RPL23: variants seen among roughly 807,000 people sequenced by gnomAD.
RPL23 encodes the protein large ribosomal subunit protein uL14.
For synonymous variants in RPL23, 63 were observed against 65.3 expected (o/e 0.97, Z 0.17); for missense variants, 79 against 178.8 (o/e 0.44, Z 3.18).
rs999893691 is a variant in RPL23, at chr17:38,848,144, T to C, written c.*1988A>G. 2.9e-5 allele frequency: 39 copies of C among 1,367,764 alleles called. No individual in the cohort carries two copies. The highest frequency in any genetic ancestry group is 9.1e-5 in the Admixed American group (3 of 33,024). The allele number at this position is 1,367,764 out of a possible 1,614,324, so 84.7% of individuals were successfully genotyped here. On this transcript the variant is annotated 3_prime_UTR_variant, in exon 5 of 5. Transcript: ENST00000479035. ...TATATTGCCATAATATATAAAGACA[T>C]AAATGGTGGGCCTAGGGGCTTGTCA...
chr17:38,850,736 G>C lies in RPL23; in HGVS notation c.227-261C>G, dbSNP rs1912978322. On this transcript the variant is annotated intron_variant, in intron 3 of 4. Coordinates refer to ENST00000479035, the MANE Select transcript of RPL23 (RefSeq NM_000978.4). ...CAAGCCTGGCCTCCCAAAGTGCTGG[G>C]AGTATAGGGAGTAAAGGCATGAACC... 4.3e-5 allele frequency: 15 copies of C among 349,118 alleles called. No homozygotes were observed. The South Asian group carries it at 7.3e-4, about 17-fold the overall frequency. The allele number at this position is 349,118 out of a possible 1,614,324, so 21.6% of individuals were successfully genotyped here. A position where few individuals can be genotyped will look rare whatever the true frequency, so the allele number is the denominator to read the frequency against.
rs1280002040 is a variant in RPL23 at position 38,851,387 on chromosome 17, TTC to T, written c.227-914_227-913del. 4 of 152,332 alleles carry T rather than the reference TTC, an allele frequency of 2.6e-5. No individual in the cohort carries two copies. The East Asian group carries it at 7.7e-4, about 29-fold the overall frequency. 9.4% of individuals were successfully genotyped at this position (152,332 alleles called of 1,614,324 possible). A position where few individuals can be genotyped will look rare whatever the true frequency, so the allele number is the denominator to read the frequency against. On this transcript the variant is annotated intron_variant, in intron 3 of 4. Coordinates refer to ENST00000479035, the MANE Select transcript of RPL23 (RefSeq NM_000978.4). ...AAGTAGACCTGGTCCTTTTGCATAT[TTC>T]TGTGCTTGTTATTTATTGATATTAA... is the stretch of plus-strand genomic sequence containing the variant.
Position 38,853,074 on chromosome 17 carries a change from C to A in RPL23, c.45G>T (p.Arg15=). The A allele has an allele frequency of 6.2e-7, 1 of 1,614,114 alleles. No homozygotes were observed. The highest frequency in any genetic ancestry group is 8.5e-7 in the Non-Finnish European group (1 of 1,180,032). ...GRGGSSGAKF[R]ISLGLPVGAV... ...CTCCTACCGGAAGACCCAAGGAAAT[C>A]CGGAATTTCGCACCAGAGGACCCAC... Residue 15 remains arginine, a synonymous_variant, in exon 2 of 5, where the codon CGG becomes CGT. Transcript: ENST00000479035.
intron 1 of RPL23, 39 bp downstream of exon 1, chr17:38,853,659 C>T (rs1212328001): frequency 6.2e-7 from 1 of 1,613,690 alleles, no homozygotes. Flanking sequence ...AGCCACTGCA[C>T]GACAGATGGT....
At chr17:38,853,158 G>T in intron 1 of RPL23, 53 bp from the exon 2 acceptor site, 1 of 1,391,368 alleles carries the variant, frequency 7.2e-7, no homozygotes, top group South Asian at 1.2e-5. Context: ...ATCTAGACAT[G>T]GTTCGGAGTT....
chr17:38,851,129 C>A (rs1912990835), intron 3 of RPL23: 1 of 152,258 alleles, frequency 6.6e-6, no homozygotes, highest in Non-Finnish European at 1.5e-5. Context: ...TGAAGTATCA[C>A]TACACAGTGA....
intron 2 of RPL23, 75 bp from the exon 3 acceptor site, chr17:38,852,807 A>G: frequency 6.2e-7 from 1 of 1,603,386 alleles, no homozygotes; most frequent in Non-Finnish European, 8.5e-7. Flanking sequence ...CATTTCCCAA[A>G]CACTTCCAAA....
chr17:38,848,088 G>A lies in RPL23; in HGVS notation c.*2044C>T, dbSNP rs1381112094. Reference sequence around the variant, plus strand: ...TCAGAAAAGATAACATTCAAAAACAGCAGCGATTAGTGGTTAATATATAAG... The same window carrying A: ...TCAGAAAAGATAACATTCAAAAACAACAGCGATTAGTGGTTAATATATAAG... On this transcript the variant is annotated 3_prime_UTR_variant, in exon 5 of 5. Transcript: ENST00000479035. The A allele has an allele frequency of 4.6e-6, 7 of 1,526,498 alleles. No individual in the cohort carries two copies. The highest frequency in any genetic ancestry group is 6.2e-6 in the Non-Finnish European group (7 of 1,138,126). 94.6% of individuals were successfully genotyped at this position (1,526,498 alleles called of 1,614,324 possible). A position where few individuals can be genotyped will look rare whatever the true frequency, so the allele number is the denominator to read the frequency against.
intron 2 of RPL23, 98 bp from the exon 3 acceptor site, chr17:38,852,830 A>G (rs747872009): frequency 2.6e-6 from 4 of 1,556,604 alleles, no homozygotes; most frequent in East Asian, 4.5e-5. Flanking sequence ...CCCTCCCTCC[A>G]CTCACTGCCC....
In RPL23 at chr17:38,847,936, G is replaced by A. The variant is rs922675972; in HGVS notation, c.*2196C>T. ...AATAAAATGTGAGGTGGGATGCAGT[G>A]GCTCACACTTGTAATTGCAGCCCTT... is the stretch of plus-strand genomic sequence containing the variant. On this transcript the variant is annotated 3_prime_UTR_variant, in exon 5 of 5. Transcript: ENST00000479035. The A allele has an allele frequency of 6.5e-7, 1 of 1,540,576 alleles. No homozygotes were observed. Among genetic ancestry groups the A allele is most frequent in the African/African-American group, 1.4e-5 (1 of 72,604 alleles).
In RPL23 at chr17:38,850,356, T is replaced by G. The variant is rs1365573168; in HGVS notation, c.340+6A>C. The G allele has an allele frequency of 1.2e-5, 19 of 1,610,206 alleles. No homozygotes were observed. The highest frequency in any genetic ancestry group is 2.2e-5 in the East Asian group (1 of 44,862). On this transcript the variant is annotated splice_donor_region_variant and intron_variant, in intron 4 of 4. Transcript: ENST00000479035. ...ACCTAAGGAACAAGCTGGACTGATT[T>G]CCTACCTTTCATCTCGCCTTTATTG...
chr17:38,850,381 G>A lies in RPL23; in HGVS notation c.321C>T (p.Asn107=). Residue 107 remains asparagine (N), a synonymous_variant, in exon 4 of 5, where the codon AAC becomes AAT. Coordinates refer to ENST00000479035, the MANE Select transcript of RPL23 (RefSeq NM_000978.4). ...TCCTACCTTTCATCTCGCCTTTATT[G>A]TTCACTATGACTCCTGCATTATCTT... ...YFEDNAGVIV[N]NKGEMKGSAI... 3.1e-6 allele frequency: 5 copies of A among 1,613,368 alleles called. No homozygotes were observed. Among genetic ancestry groups the A allele is most frequent in the South Asian group, 1.1e-5 (1 of 91,054 alleles).
rs11556332 is a variant in RPL23 at position 38,850,416 on chromosome 17, G to T, written c.286C>A (p.Leu96Ile). Residue 96 changes from leucine to isoleucine, a missense_variant, in exon 4 of 5, where the codon CTT becomes ATT. Physicochemically the swap from Leu to Ile is conservative, Grantham distance 5 (BLOSUM62 2). Coordinates refer to ENST00000479035, the MANE Select transcript of RPL23 (RefSeq NM_000978.4). Reference protein sequence around the residue: ...KSYRRKDGVFLYFEDNAGVIV... With the variant: ...KSYRRKDGVFIYFEDNAGVIV... Reference sequence around the variant, plus strand: ...ACTCCTGCATTATCTTCAAAATAAAGAAACACGCCATCTTTTCTACGGTAT... The same window carrying T: ...ACTCCTGCATTATCTTCAAAATAAATAAACACGCCATCTTTTCTACGGTAT... 1.9e-6 allele frequency: 3 copies of T among 1,613,786 alleles called. No individual in the cohort carries two copies. The highest frequency in any genetic ancestry group is 1.1e-5 in the South Asian group (1 of 91,072).
intron 3 of RPL23, 98 bp from the exon 4 acceptor site, chr17:38,850,573 G>T: frequency 1.3e-6 from 1 of 779,444 alleles, no homozygotes; most frequent in Non-Finnish European, 2.3e-6. Context: ...CTCAGCGTTT[G>T]AGACAGTGAC....
chr17:38,851,545 G>A (rs533450472), intron 3 of RPL23: 24 of 152,288 alleles, frequency 1.6e-4, no homozygotes, highest in African/African-American at 5.3e-4. Flanking sequence ...CACTGACTGA[G>A]ACCAACAATC....
At position 38,848,181 on chromosome 17, in the gene RPL23, A is replaced by T; in HGVS notation, c.*1951T>A. 1 of 1,118,082 alleles carries T rather than the reference A, an allele frequency of 8.9e-7. No individual in the cohort carries two copies. The highest frequency in any genetic ancestry group is 1.2e-6 in the Non-Finnish European group (1 of 858,158). 69.3% of individuals were successfully genotyped at this position (1,118,082 alleles called of 1,614,324 possible). On this transcript the variant is annotated 3_prime_UTR_variant, in exon 5 of 5. Transcript: ENST00000479035. ...CTAGGGGCTTGTCACACTAAAGCTG[A>T]CTTGAAATTGACCATACTCAGGGAT...
chr17:38,851,120 G>C (rs1912990606), intron 3 of RPL23: 2 of 152,326 alleles, frequency 1.3e-5, no homozygotes, highest in South Asian at 4.1e-4. Context: ...CTTTCAAAAT[G>C]AAGTATCACT....
rs772751037 is a variant in RPL23, at chr17:38,850,083, T to C, written c.*49A>G. The C allele has an allele frequency of 9.0e-5, 125 of 1,395,042 alleles. 1 individual carries two copies. In the Admixed American group the frequency reaches 1.1e-3, roughly 13 times the overall value. The allele number at this position is 1,395,042 out of a possible 1,614,324, so 86.4% of individuals were successfully genotyped here. On this transcript the variant is annotated 3_prime_UTR_variant, in exon 5 of 5. Transcript: ENST00000479035. ...AGACAAGCACTGCAAACAAATACTT[T>C]TTAATGGGTTTAGTTTTTTTTTTTA... is the stretch of plus-strand genomic sequence containing the variant.
rs1032843208 is a variant in RPL23 at position 38,850,540 on chromosome 17, T to C, written c.227-65A>G. ...AGTCGCAGTGCCACCACAAAAGCAG[T>C]TTCCAACTAGACAGAATGTACACTC... On this transcript the variant is annotated intron_variant, in intron 3 of 4. Coordinates refer to ENST00000479035, the MANE Select transcript of RPL23 (RefSeq NM_000978.4). The C allele has an allele frequency of 5.8e-6, 6 of 1,036,672 alleles. No homozygotes were observed. In the Admixed American group the frequency reaches 1.0e-4, roughly 18 times the overall value. 64.2% of individuals were successfully genotyped at this position (1,036,672 alleles called of 1,614,324 possible).
Sources: allele counts gnomAD v4.1 joint callset, GRCh38; gene constraint gnomAD v4.1.1; transcripts MANE v1.5; gene names NCBI Gene and HGNC (gene_info 2026-07-23, HGNC 2026-07-21).